SHISA9: variants seen among roughly 807,000 people sequenced by gnomAD.
SHISA9 encodes the protein protein shisa-9.
In SHISA9, 13 loss-of-function variants were observed where a neutral mutation model predicts 38.0. The ratio of observed to expected loss-of-function variants is 0.34; its 90% CI spans 0.22 to 0.54. The LOEUF is 0.54. SHISA9 is among the 20% of genes least tolerant of loss of function. SHISA9 has a pLI of 0.91. For missense variants in SHISA9, 538 were observed against 575.8 expected (o/e 0.93, Z 0.67); for synonymous variants, 275 against 242.0 (o/e 1.14, Z -1.27).
At chr16:13,002,993 A>G (rs1330326550) in intron 2 of SHISA9, among the ~76,000 whole-genome samples, 1 of 152,212 alleles carries the variant, frequency 6.6e-6, no homozygotes, top group African/African-American at 2.4e-5. Context: ...GGCCATCAAA[A>G]AAAAGCTTCC....
intron 2 of SHISA9, among the ~76,000 whole-genome samples, chr16:13,166,525 C>T (rs1163583956): frequency 6.6e-6 from 1 of 152,222 alleles, no homozygotes; most frequent in African/African-American, 2.4e-5. Context: ...ACCCTCTCTC[C>T]CTTTTCCTGC....
At chr16:13,328,714 C>T in the SHISA9 span, among the ~76,000 whole-genome samples, 2,895 of 152,152 alleles carry the variant, frequency 0.019, 45 homozygotes, top group Middle Eastern at 0.041. Flanking sequence ...CTCGGGCGAT[C>T]CACCCGCCTC....
intron 2 of SHISA9, among the ~76,000 whole-genome samples, chr16:13,067,475 C>A (rs998663337): frequency 3.3e-5 from 5 of 152,200 alleles, no homozygotes; most frequent in African/African-American, 9.7e-5. Flanking sequence ...CTGTGTCTCC[C>A]CTGCTGGACT....
At chr16:12,977,256 C>T (rs900637032) in intron 2 of SHISA9, among the ~76,000 whole-genome samples, 10 of 152,096 alleles carry the variant, frequency 6.6e-5, no homozygotes, top group Non-Finnish European at 1.2e-4. Context: ...AGAAATGGCC[C>T]TTGCTCTCAG....
At chr16:13,011,139 G>A (rs542374475) in intron 2 of SHISA9, among the ~76,000 whole-genome samples, 5 of 152,044 alleles carry the variant, frequency 3.3e-5, no homozygotes, top group Non-Finnish European at 5.9e-5. Flanking sequence ...GTGGGCAGGC[G>A]GTGAACACAC....
chr16:13,454,001 T>A, the SHISA9 span, among the ~76,000 whole-genome samples: 1 of 152,194 alleles, frequency 6.6e-6, no homozygotes, highest in Non-Finnish European at 1.5e-5. Context: ...TCATCTCATA[T>A]GTCATTTAAA....
the SHISA9 span, among the ~76,000 whole-genome samples, chr16:13,313,267 A>C: frequency 6.6e-6 from 1 of 151,616 alleles, no homozygotes; most frequent in Non-Finnish European, 1.5e-5. Context: ...AAAAAAAAAA[A>C]AAAAACCCAG....
At chr16:12,986,202 T>A (rs1290073930) in intron 2 of SHISA9, among the ~76,000 whole-genome samples, 3 of 152,232 alleles carry the variant, frequency 2.0e-5, no homozygotes, top group African/African-American at 7.2e-5. Context: ...AGCCGGTATG[T>A]ACAAGTATTT....
chr16:13,078,196 A>AC (rs1031369786), intron 2 of SHISA9, among the ~76,000 whole-genome samples: 1 of 152,074 alleles, frequency 6.6e-6, no homozygotes, highest in Non-Finnish European at 1.5e-5. Flanking sequence ...TGGTTCCAGG[A>AC]CCCCCCAAGG....
chr16:13,096,720 A>G (rs1051934431), intron 2 of SHISA9, among the ~76,000 whole-genome samples: 2 of 152,216 alleles, frequency 1.3e-5, no homozygotes, highest in South Asian at 4.2e-4. Flanking sequence ...CCTTTATTAG[A>G]TGTAGACTTT....
Position 12,926,523 on chromosome 16 carries a change from A to T in SHISA9, c.691+9708A>T, listed in dbSNP as rs561886757. ...TTGGAGGTACAAGGATGAATTAGAC[A>T]TAAATAGGACATATCCTCTTGGAGC... is the stretch of plus-strand genomic sequence containing the variant. On this transcript the variant is annotated intron_variant, in intron 2 of 4. Transcript: ENST00000558583. Among the ~76,000 whole-genome samples the T allele has an allele frequency of 3.9e-5, 6 of 152,372 alleles. No individual in the cohort carries two copies. The South Asian group carries it at 1.2e-3, about 32-fold the overall frequency.
At chr16:13,476,738 G>GGTTT in the SHISA9 span, among the ~76,000 whole-genome samples, 98 of 65,222 alleles carry the variant, frequency 1.5e-3, 2 homozygotes, top group African/African-American at 5.2e-3. Context: ...CCTGTTTTGT[G>GGTTT]TTTTTTTTTT....
chr16:13,014,182 T>C (rs1328587874), intron 2 of SHISA9, among the ~76,000 whole-genome samples: 1 of 152,176 alleles, frequency 6.6e-6, no homozygotes, highest in Non-Finnish European at 1.5e-5. Flanking sequence ...GTTAGAGCAA[T>C]GTGCCCAAGA....
intron 2 of SHISA9, among the ~76,000 whole-genome samples, chr16:13,175,566 G>T (rs1055092918): frequency 1.3e-5 from 2 of 152,146 alleles, no homozygotes; most frequent in Admixed American, 1.3e-4. Flanking sequence ...CCCACAGCTG[G>T]CCAGGAAGAA....
chr16:13,348,334 G>A, the SHISA9 span, among the ~76,000 whole-genome samples: 1 of 152,030 alleles, frequency 6.6e-6, no homozygotes, highest in African/African-American at 2.4e-5. Flanking sequence ...CTCCAAAAGT[G>A]TGAGATTTTG....
intron 2 of SHISA9, among the ~76,000 whole-genome samples, chr16:13,062,179 G>T (rs1284347894): frequency 1.4e-5 from 2 of 147,614 alleles, no homozygotes; most frequent in Admixed American, 6.8e-5. Flanking sequence ...TATGGCAGGG[G>T]ACTTACGCTA....
chr16:13,446,811 T>C, the SHISA9 span, among the ~76,000 whole-genome samples: 2 of 151,900 alleles, frequency 1.3e-5, no homozygotes, highest in African/African-American at 4.8e-5. Context: ...ACCCTGTCTC[T>C]ACTAAAATAT....
At chr16:13,483,836 C>A in the SHISA9 span, among the ~76,000 whole-genome samples, 1 of 152,024 alleles carries the variant, frequency 6.6e-6, no homozygotes, top group Non-Finnish European at 1.5e-5. Flanking sequence ...GCTCTGTGTC[C>A]CTTCTCCCAT....
At chr16:13,525,505 C>CA in the SHISA9 span, among the ~76,000 whole-genome samples, 1 of 152,194 alleles carries the variant, frequency 6.6e-6, no homozygotes, top group Non-Finnish European at 1.5e-5. Context: ...ATTTTATTTA[C>CA]ACTGGATTGT....
Sources: allele counts gnomAD v4.1 joint callset (sites outside exome capture counted in the v4.1 genomes callset), GRCh38; gene constraint gnomAD v4.1.1; transcripts MANE v1.5; gene names NCBI Gene and HGNC (gene_info 2026-07-23, HGNC 2026-07-21).